The following NAA11 variants were observed in gnomAD, a reference collection of about 807,000 sequenced individuals.
NAA11 encodes N-alpha-acetyltransferase 11.
Under a neutral mutation model 16.1 loss-of-function variants are expected in NAA11, and 15 were observed. That is an observed-to-expected ratio of 0.93 (90% CI 0.62 to 1.44). The LOEUF is 1.44. NAA11 is among the 40% of genes most tolerant of loss of function. The pLI, the probability that NAA11 is intolerant of heterozygous loss-of-function variation, is 0.00. For synonymous variants in NAA11, 122 were observed against 112.4 expected (o/e 1.09, Z -0.54); for missense variants, 298 against 291.3 (o/e 1.02, Z -0.17).
At chr4:79,225,154 T>A (rs1015907482), downstream of NAA11, among the ~76,000 whole-genome samples, 2 of 152,048 alleles carry the variant, frequency 1.3e-5, no homozygotes, top group Non-Finnish European at 1.5e-5. Context: ...ACCATACTAA[T>A]GTAAGATATT....
chr4:79,157,898 ATTTT>A, the NAA11 span, among the ~76,000 whole-genome samples: 2 of 126,006 alleles, frequency 1.6e-5, no homozygotes. Flanking sequence ...ATTGCTGATG[ATTTT>A]TTTTTTTTTT....
At chr4:79,246,377 T>TAAAAAAAAAAAAA (rs869224539) in intron 2 of NAA11, among the ~76,000 whole-genome samples, 12 of 22,460 alleles carry the variant, frequency 5.3e-4, no homozygotes, top group Non-Finnish European at 8.0e-4. Flanking sequence ...CAATAAATAC[T>TAAAAAAAAAAAAA]AAAAAAAAAA....
chr4:79,225,296 G>A (rs1469669076), downstream of NAA11, among the ~76,000 whole-genome samples: 1 of 151,914 alleles, frequency 6.6e-6, no homozygotes, highest in Non-Finnish European at 1.5e-5. Flanking sequence ...TTGGGGGCTG[G>A]ACCTTGCAGG....
At chr4:79,207,799 C>T in the NAA11 span, among the ~76,000 whole-genome samples, 3 of 152,018 alleles carry the variant, frequency 2.0e-5, no homozygotes, top group South Asian at 4.1e-4. Context: ...TCTTCAATGA[C>T]ATATTGTTTT....
At chr4:79,179,156 G>A in the NAA11 span, among the ~76,000 whole-genome samples, 2 of 152,156 alleles carry the variant, frequency 1.3e-5, no homozygotes, top group African/African-American at 4.8e-5. Context: ...GGTTTTAAAT[G>A]TAGTGTATTT....
At position 79,325,604 on chromosome 4, in the gene NAA11, C is replaced by A. The variant is rs1177274678; in HGVS notation, c.274G>T (p.Asp92Tyr). 6.2e-7 allele frequency: 1 copy of A among 1,614,096 alleles called. No homozygotes were observed. The change falls in exon 1 of 2, where the codon GAC (aspartate) becomes TAC (tyrosine). Residue 92 changes from aspartate (D) to tyrosine (Y), a missense_variant. Physicochemically the swap from Asp to Tyr is radical, Grantham distance 160. Transcript: ENST00000286794. ...RRLGLAQKLMDQASRAMIENF... is the reference protein window; with the variant it reads ...RRLGLAQKLMYQASRAMIENF... ...TCTATCATGGCCCTGGAGGCCTGGT[C>A]CATCAGCTTCTGGGCCAGGCCGAGG...
chr4:79,215,445 A>G, the NAA11 span, among the ~76,000 whole-genome samples: 1 of 152,206 alleles, frequency 6.6e-6, no homozygotes, highest in African/African-American at 2.4e-5. Flanking sequence ...CCCCCTAAAA[A>G]GAAGATGTCC....
the NAA11 span, among the ~76,000 whole-genome samples, chr4:79,159,205 AT>A: frequency 8.5e-5 from 13 of 152,352 alleles, no homozygotes; most frequent in Non-Finnish European, 4.4e-5. Flanking sequence ...AAGCACTAAT[AT>A]GCAGAATCTA....
At chr4:79,210,231 G>T in the NAA11 span, among the ~76,000 whole-genome samples, 1 of 152,224 alleles carries the variant, frequency 6.6e-6, no homozygotes, top group African/African-American at 2.4e-5. Flanking sequence ...GCAGTGGAAA[G>T]TTACAGTTAG....
the NAA11 span, among the ~76,000 whole-genome samples, chr4:79,171,090 A>C: frequency 6.6e-6 from 1 of 152,304 alleles, no homozygotes; most frequent in Middle Eastern, 3.4e-3. Context: ...AGATGTTAAG[A>C]ATCTAGAGAA....
the NAA11 span, among the ~76,000 whole-genome samples, chr4:79,209,525 A>G: frequency 9.2e-5 from 14 of 152,268 alleles, no homozygotes; most frequent in East Asian, 2.7e-3. Context: ...CAGAGGGACC[A>G]TTGCAAATGC....
At chr4:79,224,165 A>C (rs1721260284), downstream of NAA11, among the ~76,000 whole-genome samples, 1 of 152,076 alleles carries the variant, frequency 6.6e-6, no homozygotes, top group Non-Finnish European at 1.5e-5. Flanking sequence ...GTGAAATGAG[A>C]GGTAAAGCAT....
intron 1 of NAA11, among the ~76,000 whole-genome samples, chr4:79,323,752 C>T (rs1578198877): frequency 6.6e-6 from 1 of 151,550 alleles, no homozygotes; most frequent in East Asian, 1.9e-4. Flanking sequence ...ACCCGGGAGG[C>T]GGAGCTTGCA....
chr4:79,311,581 C>G (rs1254722354), intron 1 of NAA11, among the ~76,000 whole-genome samples: 1 of 152,130 alleles, frequency 6.6e-6, no homozygotes, highest in Non-Finnish European at 1.5e-5. Context: ...GGGTTGCTAT[C>G]TTTATAAAGC....
At chr4:79,202,613 A>C in the NAA11 span, among the ~76,000 whole-genome samples, 5 of 108,380 alleles carry the variant, frequency 4.6e-5, no homozygotes, top group South Asian at 6.2e-4. Context: ...ATATACAGTT[A>C]TATATAGTTT....
intron 2 of NAA11, among the ~76,000 whole-genome samples, chr4:79,269,240 T>C (rs1260366399): frequency 2.7e-5 from 4 of 149,486 alleles, no homozygotes; most frequent in African/African-American, 9.9e-5. Context: ...CTGGGTCAAA[T>C]GGTATTTCTA....
chr4:79,302,582 T>C (rs1367963614), intron 1 of NAA11, among the ~76,000 whole-genome samples: 2 of 152,130 alleles, frequency 1.3e-5, no homozygotes, highest in Non-Finnish European at 2.9e-5. Flanking sequence ...ATAATGTATA[T>C]ATCTTTATTC....
At chr4:79,321,280 T>C (rs756840356) in intron 1 of NAA11, among the ~76,000 whole-genome samples, 2 of 152,244 alleles carry the variant, frequency 1.3e-5, no homozygotes, top group Non-Finnish European at 2.9e-5. Context: ...TTTCCTATTG[T>C]GGCAGAAACT....
the NAA11 span, among the ~76,000 whole-genome samples, chr4:79,205,961 TG>T: frequency 0.7 from 106,506 of 151,802 alleles, 40,075 homozygotes; most frequent in East Asian, 0.89. Context: ...TCTGTTGCAT[TG>T]GTCTATGTGT....
Sources: allele counts gnomAD v4.1 joint callset (sites outside exome capture counted in the v4.1 genomes callset), GRCh38; gene constraint gnomAD v4.1.1; transcripts MANE v1.5; gene names NCBI Gene and HGNC (gene_info 2026-07-23, HGNC 2026-07-21).